PDS5B: variants seen among roughly 807,000 people sequenced by gnomAD.
The protein encoded by PDS5B is sister chromatid cohesion protein PDS5 homolog B.
PDS5B carries 51 observed loss-of-function variants against 184.1 expected under a neutral mutation model. The ratio of observed to expected loss-of-function variants is 0.28; its 90% confidence interval spans 0.22 to 0.35. The LOEUF (loss-of-function observed/expected upper bound fraction) is 0.35, where lower values mean the gene tolerates loss of function less well. Ranked by LOEUF, PDS5B falls within the 10% of genes least tolerant of loss-of-function variation. The probability of loss-of-function intolerance (pLI) is 1.00; values close to 1 mark genes in which losing one functional copy is unlikely to be tolerated. For missense variants in PDS5B, 1,180 were observed against 1,723.3 expected (o/e 0.68, Z 5.58); for synonymous variants, 566 against 569.2 (o/e 0.99, Z 0.08).
At chr13:32,662,511 A>G (rs1423556484) in intron 6 of PDS5B, among the ~76,000 whole-genome samples, 2 of 152,188 alleles carry the variant, frequency 1.3e-5, no homozygotes, top group East Asian at 3.8e-4. Flanking sequence ...TAGTGATTAT[A>G]AATCAGGTAA....
intron 31 of PDS5B, among the ~76,000 whole-genome samples, chr13:32,765,490 A>G (rs1954555036): frequency 6.6e-6 from 1 of 152,224 alleles, no homozygotes; most frequent in Non-Finnish European, 1.5e-5. Flanking sequence ...ATTACTGCCC[A>G]TCTTCCACGA....
chr13:32,739,623 C>T (rs923682879), intron 21 of PDS5B, among the ~76,000 whole-genome samples: 4 of 152,030 alleles, frequency 2.6e-5, no homozygotes, highest in African/African-American at 9.7e-5. Context: ...CTTTTTCATC[C>T]TAACTTACCA....
chr13:32,762,106 G>T (rs780178657), intron 30 of PDS5B, among the ~76,000 whole-genome samples: 4 of 152,116 alleles, frequency 2.6e-5, no homozygotes, highest in Non-Finnish European at 5.9e-5. Context: ...CTTTTGAGGA[G>T]TGTCTGTTCA....
chr13:32,752,964 C>A (rs1954038587), intron 24 of PDS5B, among the ~76,000 whole-genome samples: 1 of 152,028 alleles, frequency 6.6e-6, no homozygotes, highest in African/African-American at 2.4e-5. Context: ...AGTGACAGAA[C>A]TAAAATGTAT....
At chr13:32,614,117 CTTAGT>C (rs1197635486) in intron 1 of PDS5B, among the ~76,000 whole-genome samples, 2 of 152,038 alleles carry the variant, frequency 1.3e-5, no homozygotes, top group Non-Finnish European at 2.9e-5. Flanking sequence ...GCTGTACTGT[CTTAGT>C]TAATGTAGCT....
At chr13:32,672,401 A>C (rs190041330) in intron 7 of PDS5B, among the ~76,000 whole-genome samples, 3 of 152,282 alleles carry the variant, frequency 2.0e-5, no homozygotes, top group Non-Finnish European at 4.4e-5. Flanking sequence ...ACATATACAT[A>C]TATGTGTGTA....
chr13:32,645,004 C>G (rs9526495), intron 1 of PDS5B, among the ~76,000 whole-genome samples: 4,693 of 152,048 alleles, frequency 0.031, 122 homozygotes, highest in East Asian at 0.08. Context: ...TCTGATTGTT[C>G]TTTTCTTTTT....
intron 1 of PDS5B, among the ~76,000 whole-genome samples, chr13:32,640,887 TA>T (rs1288804088): frequency 6.6e-6 from 1 of 151,442 alleles, no homozygotes; most frequent in East Asian, 2.0e-4. Flanking sequence ...ACCCCATCTC[TA>T]CTAAAAAAAA....
intron 5 of PDS5B, 72 bp from the exon 6 acceptor site, chr13:32,659,082 G>T (rs1950583129): frequency 2.7e-6 from 3 of 1,092,524 alleles, no homozygotes; most frequent in Non-Finnish European, 3.8e-6. Flanking sequence ...CATAATGCTT[G>T]TCAGTGTCAT....
At chr13:32,692,182 A>G (rs926049485) in intron 13 of PDS5B, among the ~76,000 whole-genome samples, 4 of 152,004 alleles carry the variant, frequency 2.6e-5, no homozygotes, top group African/African-American at 7.2e-5. Context: ...TTCTCTGACT[A>G]CTTTTCTTTG....
intron 10 of PDS5B, among the ~76,000 whole-genome samples, chr13:32,682,780 G>C (rs927950422): frequency 6.6e-6 from 1 of 152,134 alleles, no homozygotes; most frequent in African/African-American, 2.4e-5. Context: ...AACATTTTGT[G>C]TTTTCAGTCT....
chr13:32,715,495 T>C (rs114112600), intron 19 of PDS5B, among the ~76,000 whole-genome samples: 8 of 152,234 alleles, frequency 5.3e-5, no homozygotes, highest in Admixed American at 5.2e-4. Flanking sequence ...TATGGCTATG[T>C]AAATGTATTT....
intron 19 of PDS5B, among the ~76,000 whole-genome samples, chr13:32,727,443 T>C (rs1229985035): frequency 6.6e-6 from 1 of 152,156 alleles, no homozygotes; most frequent in African/African-American, 2.4e-5. Flanking sequence ...TGGTATCATT[T>C]TTCTTCTGGA....
chr13:32,756,148 C>A (rs567840306), intron 26 of PDS5B, among the ~76,000 whole-genome samples, 192 bp downstream of exon 26: 1 of 151,966 alleles, frequency 6.6e-6, no homozygotes, highest in South Asian at 2.1e-4. Flanking sequence ...TGTAGTTTCC[C>A]AAAACTTAAT....
At chr13:32,605,521 TGTG>T (rs1235154397) in intron 1 of PDS5B, among the ~76,000 whole-genome samples, 2 of 152,220 alleles carry the variant, frequency 1.3e-5, no homozygotes, top group African/African-American at 2.4e-5. Context: ...ATAAGTGCGA[TGTG>T]GTGCTGAGAA....
At chr13:32,758,391 A>G (rs1369905192) in intron 27 of PDS5B, 143 bp from the exon 28 acceptor site, 6 of 926,930 alleles carry the variant, frequency 6.5e-6, no homozygotes, top group Non-Finnish European at 9.7e-6. Flanking sequence ...CAAAACCAGT[A>G]GTGTAAGCTA....
chr13:32,597,635 C>T (rs2057899055), intron 1 of PDS5B, among the ~76,000 whole-genome samples: 1 of 151,770 alleles, frequency 6.6e-6, no homozygotes, highest in Non-Finnish European at 1.5e-5. Flanking sequence ...GTTGCAAGGT[C>T]AAGAGATAGA....
chr13:32,597,766 G>A (rs2057901823), intron 1 of PDS5B, among the ~76,000 whole-genome samples: 1 of 151,540 alleles, frequency 6.6e-6, no homozygotes, highest in African/African-American at 2.4e-5. Context: ...AGAATTGCTT[G>A]AACCTGGGAG....
At chr13:32,758,959 T>G (rs1308015510) in intron 28 of PDS5B, among the ~76,000 whole-genome samples, 1 of 152,058 alleles carries the variant, frequency 6.6e-6, no homozygotes, top group Non-Finnish European at 1.5e-5. Context: ...AGAGATACAG[T>G]CTGAAGTTAA....
Sources: allele counts gnomAD v4.1 joint callset (sites outside exome capture counted in the v4.1 genomes callset), GRCh38; gene constraint gnomAD v4.1.1; transcripts MANE v1.5; gene names NCBI Gene and HGNC (gene_info 2026-07-23, HGNC 2026-07-21).